The following ZNF43 variants were observed in gnomAD, a reference collection of about 807,000 sequenced individuals.
ZNF43 encodes zinc finger protein 39-like 1 (KOX 27).
Under a neutral mutation model 68.4 loss-of-function variants are expected in ZNF43, and 44 were observed. The ratio of observed to expected loss-of-function variants is 0.64; its 90% CI spans 0.51 to 0.83. The LOEUF is 0.83. Ranked by LOEUF, ZNF43 falls within the 40% of genes least tolerant of loss-of-function variation. The probability of loss-of-function intolerance (pLI) is 0.00; values close to 1 mark genes in which losing one functional copy is unlikely to be tolerated. For missense variants in ZNF43, 896 were observed against 933.2 expected (o/e 0.96, Z 0.52); for synonymous variants, 308 against 307.8 (o/e 1.00, Z -0.01).
Position 21,809,163 on chromosome 19 carries a change from C to G in ZNF43, c.874G>C (p.Ala292Pro), listed in dbSNP as rs371668658. 18 of 1,613,326 alleles carry G rather than the reference C, an allele frequency of 1.1e-5. No homozygotes were observed. The African/African-American group carries it at 2.4e-4, about 22-fold the overall frequency. ...TTTGAGGATTGGTTAAAAGCTTTGGCACATTCTTTACATTTGTAGAATTTC... is the reference window on the plus strand; with the variant it reads ...TTTGAGGATTGGTTAAAAGCTTTGGGACATTCTTTACATTTGTAGAATTTC... Reference protein sequence around the residue: ...GEKFYKCKECAKAFNQSSNLT... With the variant: ...GEKFYKCKECPKAFNQSSNLT... The change falls in exon 4 of 4, where the codon GCC becomes CCC. Residue 292 changes from alanine to proline, a missense_variant. Physicochemically the swap from Ala to Pro is conservative, Grantham distance 27 (BLOSUM62 -1). Coordinates refer to ENST00000354959, the MANE Select transcript of ZNF43 (RefSeq NM_003423.4).
At position 21,836,056 on chromosome 19, in the gene ZNF43, G is replaced by C. The variant is rs756220083; in HGVS notation, c.-18C>G. ...CTCACCATTTCTAGGCTTCCGGGGG[G>C]TCCTGGCGTCTTAGCTGTGGATCCC... On this transcript the variant is annotated 5_prime_UTR_variant, in exon 1 of 4. Transcript: ENST00000354959. The C allele has an allele frequency of 5.6e-6, 9 of 1,613,842 alleles. No individual in the cohort carries two copies. In the African/African-American group the frequency reaches 9.3e-5, roughly 17 times the overall value.
chr19:21,839,828 A>G (rs986052795), upstream of ZNF43: 1 of 152,180 alleles, frequency 6.6e-6, no homozygotes, highest in Non-Finnish European at 1.5e-5. Context: ...GGGCCAAACA[A>G]TATGTCACAA....
chr19:21,839,643 A>G (rs1348257915), upstream of ZNF43: 4 of 152,250 alleles, frequency 2.6e-5, no homozygotes, highest in African/African-American at 9.6e-5. Flanking sequence ...GCATGGCCAT[A>G]GCAGGAAAGA....
chr19:21,846,338 C>G (rs2145419258), intron 1 of ZNF43, among the ~76,000 whole-genome samples: 1 of 152,180 alleles, frequency 6.6e-6, no homozygotes, highest in Non-Finnish European at 1.5e-5. Flanking sequence ...GTCACAATGA[C>G]CACCTGAACA....
chr19:21,830,750 C>T (rs866034671), intron 1 of ZNF43, among the ~76,000 whole-genome samples: 1 of 149,766 alleles, frequency 6.7e-6, no homozygotes, highest in South Asian at 2.1e-4. Flanking sequence ...TCTTCCCCAA[C>T]TCATTACATA....
intron 3 of ZNF43, among the ~76,000 whole-genome samples, chr19:21,814,491 TCTC>T (rs1202783690): frequency 6.6e-6 from 1 of 151,332 alleles, no homozygotes; most frequent in Non-Finnish European, 1.5e-5. Flanking sequence ...CTCACTGCAA[TCTC>T]CACTTCCCGG....
intron 1 of ZNF43, among the ~76,000 whole-genome samples, chr19:21,847,793 C>T (rs770118066): frequency 3.3e-5 from 5 of 152,098 alleles, no homozygotes; most frequent in African/African-American, 4.8e-5. Context: ...AAAGGTGTTA[C>T]ATCCCCTGGG....
chr19:21,836,067 T>G lies in ZNF43; in HGVS notation c.-29A>C, dbSNP rs1485548287. ...TAGGCTTCCGGGGGGTCCTGGCGTC[T>G]TAGCTGTGGATCCCCCAATACCCGC... is the stretch of plus-strand genomic sequence containing the variant. On this transcript the variant is annotated 5_prime_UTR_variant, in exon 1 of 4. Transcript: ENST00000354959. 1 of 1,613,734 alleles carries G rather than the reference T, an allele frequency of 6.2e-7. No homozygotes were observed. Among genetic ancestry groups the G allele is most frequent in the South Asian group, 1.1e-5 (1 of 91,068 alleles).
chr19:21,814,826 C>A (rs889870430), intron 3 of ZNF43, among the ~76,000 whole-genome samples: 2 of 151,830 alleles, frequency 1.3e-5, no homozygotes, highest in Non-Finnish European at 2.9e-5. Flanking sequence ...TGTTAAGAAA[C>A]CTACACTGAA....
rs542681058 is a variant in ZNF43 at position 21,834,796 on chromosome 19, A to G, written c.3+1240T>C. Among the ~76,000 whole-genome samples, 157 of 149,352 alleles carry G rather than the reference A, an allele frequency of 1.1e-3. 2 individuals carry two copies. The highest frequency in any genetic ancestry group is 4.0e-4 in the Non-Finnish European group (27 of 67,916). On this transcript the variant is annotated intron_variant, in intron 1 of 3. Coordinates refer to ENST00000354959, the MANE Select transcript of ZNF43 (RefSeq NM_003423.4). ...TGGAAGGAAGGAAGGAAGGAAGGAA[A>G]GAAAGAAGAAGGAAAGAAGAAAGGA... is the stretch of plus-strand genomic sequence containing the variant.
intron 1 of ZNF43, among the ~76,000 whole-genome samples, chr19:21,833,009 T>C (rs2038497353): frequency 1.3e-5 from 2 of 152,194 alleles, no homozygotes; most frequent in African/African-American, 2.4e-5. Context: ...CTCTACAAAT[T>C]TACCCTGCAA....
intron 1 of ZNF43, among the ~76,000 whole-genome samples, chr19:21,832,725 C>T (rs1434570470): frequency 6.6e-6 from 1 of 152,042 alleles, no homozygotes. Flanking sequence ...ATTAGCTGGG[C>T]GTGGTGGCAC....
Position 21,808,438 on chromosome 19 carries a change from A to G in ZNF43, c.1599T>C (p.Thr533=). Residue 533 remains threonine (T), a synonymous_variant, in exon 4 of 4, where the codon ACT becomes ACC. Coordinates refer to ENST00000354959, the MANE Select transcript of ZNF43 (RefSeq NM_003423.4). ...SKLTEHKITH[T]GEKPYKCEEC... ...CTTCACATTTGTAGGGTTTCTCTCC[A>G]GTATGAGTTATCTTATGTTCAGTAA... 1 of 1,613,264 alleles carries G rather than the reference A, an allele frequency of 6.2e-7. No homozygotes were observed. The highest frequency in any genetic ancestry group is 1.3e-5 in the African/African-American group (1 of 75,046).
chr19:21,827,105 TA>T (rs998625929), intron 1 of ZNF43: 9 of 152,112 alleles, frequency 5.9e-5, no homozygotes, highest in Admixed American at 5.9e-4. Context: ...AATTTCTCTC[TA>T]AACGAAGTGC....
At chr19:21,844,285 G>T (rs1402453292) in intron 1 of ZNF43, among the ~76,000 whole-genome samples, 1 of 145,164 alleles carries the variant, frequency 6.9e-6, no homozygotes, top group African/African-American at 2.6e-5. Context: ...GGAGGTGGAG[G>T]TTGCAGTAAG....
chr19:21,812,863 T>C (rs2435008), intron 3 of ZNF43, among the ~76,000 whole-genome samples: 8 of 151,898 alleles, frequency 5.3e-5, no homozygotes, highest in Admixed American at 2.0e-4. Context: ...GGCAGGAGAA[T>C]TGTTTGAACC....
At chr19:21,831,829 C>A (rs1201971654) in intron 1 of ZNF43, among the ~76,000 whole-genome samples, 4 of 152,010 alleles carry the variant, frequency 2.6e-5, no homozygotes, top group Non-Finnish European at 4.4e-5. Flanking sequence ...ATATAGCTAA[C>A]CAGGGAGGTG....
At chr19:21,816,452 C>T (rs1228266198) in intron 3 of ZNF43, among the ~76,000 whole-genome samples, 2 of 152,128 alleles carry the variant, frequency 1.3e-5, no homozygotes, top group Non-Finnish European at 2.9e-5. Context: ...AGGTGGCAAA[C>T]TACGGGACCC....
chr19:21,838,344 A>G (rs1034040679), upstream of ZNF43, among the ~76,000 whole-genome samples: 11 of 152,266 alleles, frequency 7.2e-5, no homozygotes, highest in African/African-American at 2.4e-4. Context: ...TAATAAAAAA[A>G]ACTCATAAAC....
Sources: gnomAD v4.1 joint callset for allele counts (sites outside exome capture counted in the v4.1 genomes callset) on GRCh38, gnomAD v4.1.1 for gene constraint, MANE v1.5 for transcripts, NCBI Gene and HGNC (gene_info 2026-07-23, HGNC 2026-07-21) for gene names.